EDNRA: variants seen among roughly 807,000 people sequenced by gnomAD.
EDNRA encodes endothelin-1 receptor.
A neutral mutation model predicts 41.4 loss-of-function variants in EDNRA; 11 were observed. The ratio of observed to expected loss-of-function variants is 0.27; its 90% confidence interval spans 0.17 to 0.44. The LOEUF is 0.44. Among genes scored for constraint, EDNRA ranks in the 20% least tolerant of loss-of-function variants. The pLI is 1.00. For synonymous variants in EDNRA, 172 were observed against 183.0 expected (o/e 0.94, Z 0.49); for missense variants, 294 against 531.0 (o/e 0.55, Z 4.39).
At chr4:147,525,568 A>G (rs1417211482) in intron 3 of EDNRA, among the ~76,000 whole-genome samples, 1 of 147,244 alleles carries the variant, frequency 6.8e-6, no homozygotes, top group Non-Finnish European at 1.5e-5. Context: ...GACAAGTTTT[A>G]TATATTACTT....
intron 6 of EDNRA, 139 bp from the exon 7 acceptor site, chr4:147,540,238 A>G: frequency 2.5e-6 from 2 of 793,142 alleles, no homozygotes; most frequent in South Asian, 3.9e-5. Flanking sequence ...TTAAACAAGC[A>G]CTTTTTACAA....
intron 3 of EDNRA, among the ~76,000 whole-genome samples, chr4:147,530,621 A>T (rs1228437231): frequency 6.6e-6 from 1 of 152,256 alleles, no homozygotes; most frequent in African/African-American, 2.4e-5. Context: ...GCCATGTGGC[A>T]TCATCGTAAA....
intron 2 of EDNRA, among the ~76,000 whole-genome samples, chr4:147,498,317 C>A (rs141475464): frequency 2.6e-5 from 4 of 152,272 alleles, no homozygotes; most frequent in Admixed American, 6.5e-5. Flanking sequence ...TATGGAGTGA[C>A]TTCAGAATCA....
In EDNRA at chr4:147,503,624, G is replaced by C. The variant is rs1467509633; in HGVS notation, c.421-16227G>C. ...AAATTTTGAAAGGAAGAGAAATACA[G>C]ATTGTAATTTTTTGCTATACCAGCA... On this transcript the variant is annotated intron_variant, in intron 2 of 7. Transcript: ENST00000651419. 3.3e-5 allele frequency among the ~76,000 whole-genome samples: 5 copies of C among 152,160 alleles called. No homozygotes were observed. The East Asian group carries it at 9.6e-4, about 29-fold the overall frequency.
chr4:147,514,694 G>A (rs1458446432), intron 2 of EDNRA, among the ~76,000 whole-genome samples: 2 of 152,070 alleles, frequency 1.3e-5, no homozygotes, highest in Non-Finnish European at 2.9e-5. Context: ...GGCTGGTCTC[G>A]AACTCCTGGC....
At chr4:147,489,284 T>G (rs1365959677) in intron 2 of EDNRA, 1 of 152,172 alleles carries the variant, frequency 6.6e-6, no homozygotes, top group Non-Finnish European at 1.5e-5. Flanking sequence ...TTGTACCCAC[T>G]ATGAAATTTC....
At chr4:147,531,685 T>G (rs1041313208) in intron 3 of EDNRA, 2 of 152,334 alleles carry the variant, frequency 1.3e-5, no homozygotes, top group Non-Finnish European at 2.9e-5. Context: ...GCCACGCAGT[T>G]GATTTCCAAA....
chr4:147,540,788 C>T (rs1731072477), intron 7 of EDNRA, among the ~76,000 whole-genome samples: 1 of 152,090 alleles, frequency 6.6e-6, no homozygotes, highest in African/African-American at 2.4e-5. Flanking sequence ...ACAGAGAGTA[C>T]ATAAGACCTA....
chr4:147,524,535 AAAAAG>A (rs770773068), intron 3 of EDNRA, among the ~76,000 whole-genome samples: 27 of 152,306 alleles, frequency 1.8e-4, no homozygotes, highest in Admixed American at 5.2e-4. Context: ...AGAAAAGAAA[AAAAAG>A]AAAAGAAAGT....
intron 2 of EDNRA, chr4:147,495,375 A>C (rs1228580751): frequency 6.6e-6 from 1 of 152,192 alleles, no homozygotes; most frequent in East Asian, 1.9e-4. Context: ...TATCTTCTCC[A>C]CTAAATCTAA....
intron 5 of EDNRA, among the ~76,000 whole-genome samples, chr4:147,537,442 G>C (rs534911408): frequency 1.3e-5 from 2 of 152,178 alleles, no homozygotes; most frequent in South Asian, 4.2e-4. Context: ...TCTCATTCTT[G>C]GAATGGAGGT....
intron 2 of EDNRA, among the ~76,000 whole-genome samples, chr4:147,498,740 T>C (rs1458507060): frequency 6.6e-6 from 1 of 152,192 alleles, no homozygotes; most frequent in Non-Finnish European, 1.5e-5. Flanking sequence ...GCCCAAGATC[T>C]GAACTTCAGA....
intron 3 of EDNRA, among the ~76,000 whole-genome samples, chr4:147,525,549 GC>G (rs1730505448): frequency 6.7e-6 from 1 of 148,876 alleles, no homozygotes; most frequent in Non-Finnish European, 1.5e-5. Flanking sequence ...ATTTTTACAT[GC>G]TGAAAGTGAC....
chr4:147,505,169 A>T (rs1000410291), intron 2 of EDNRA, among the ~76,000 whole-genome samples: 1 of 149,704 alleles, frequency 6.7e-6, no homozygotes, highest in African/African-American at 2.5e-5. Context: ...CCGCAGTGAG[A>T]TATCACTACA....
rs559838203 is a variant in EDNRA at position 147,516,910 on chromosome 4, C to T, written c.421-2941C>T. On this transcript the variant is annotated intron_variant, in intron 2 of 7. Coordinates refer to ENST00000651419, the MANE Select transcript of EDNRA (RefSeq NM_001957.4). ...TTGATTAAGCAATAGAATTGCTCTCCAGAAAATTACTCCAGGAAAAAAAGA... is the reference window on the plus strand; with the variant it reads ...TTGATTAAGCAATAGAATTGCTCTCTAGAAAATTACTCCAGGAAAAAAAGA... Among the ~76,000 whole-genome samples the T allele has an allele frequency of 3.3e-5, 5 of 151,916 alleles. No individual in the cohort carries two copies. The South Asian group carries it at 1.0e-3, about 32-fold the overall frequency.
intron 6 of EDNRA, 71 bp downstream of exon 6, chr4:147,540,021 C>T: frequency 6.6e-7 from 1 of 1,524,364 alleles, no homozygotes; most frequent in Non-Finnish European, 8.8e-7. Context: ...TTTTACAAAA[C>T]CAGCTACTCT....
chr4:147,514,876 G>A (rs1224797756), intron 2 of EDNRA, among the ~76,000 whole-genome samples: 1 of 152,174 alleles, frequency 6.6e-6, no homozygotes, highest in Non-Finnish European at 1.5e-5. Context: ...CACCTCTAGA[G>A]CAGTGATCCT....
At chr4:147,515,012 T>C (rs371808022) in intron 2 of EDNRA, among the ~76,000 whole-genome samples, 1 of 152,258 alleles carries the variant, frequency 6.6e-6, no homozygotes, top group East Asian at 1.9e-4. Flanking sequence ...GCCATCTGTG[T>C]TTCAATGAGC....
chr4:147,485,836 ATCAACCCACTAATTT>A lies in EDNRA; in HGVS notation c.156_170del (p.His52_Leu57delinsGln), dbSNP rs755124433. ...GAGCTCAGCTTCCTGGTTACCACTCATCAACCCACTAATTTGGTCCTACCCAGCAATGGCTCAATG... is the reference window on the plus strand; with the variant it reads ...GAGCTCAGCTTCCTGGTTACCACTCAGGTCCTACCCAGCAATGGCTCAATG... On this transcript the variant is annotated inframe_deletion, in exon 2 of 8. Coordinates refer to ENST00000651419, the MANE Select transcript of EDNRA (RefSeq NM_001957.4). 6.2e-7 allele frequency: 1 copy of A among 1,614,260 alleles called. No individual in the cohort carries two copies. Among genetic ancestry groups the A allele is most frequent in the South Asian group, 1.1e-5 (1 of 91,084 alleles).
Sources: allele counts gnomAD v4.1 joint callset (sites outside exome capture counted in the v4.1 genomes callset), GRCh38; gene constraint gnomAD v4.1.1; transcripts MANE v1.5; gene names NCBI Gene and HGNC (gene_info 2026-07-23, HGNC 2026-07-21).